TMEM132C: variants seen among roughly 807,000 people sequenced by gnomAD.
TMEM132C encodes the protein transmembrane protein 132C.
A neutral mutation model predicts 61.4 loss-of-function variants in TMEM132C; 29 were observed. The observed-to-expected ratio is 0.47, with a 90% CI of 0.35 to 0.64. The LOEUF (loss-of-function observed/expected upper bound fraction) is 0.64, where lower values mean the gene tolerates loss of function less well. TMEM132C is among the 30% of genes least tolerant of loss of function. The pLI is 0.00. For missense variants in TMEM132C, 1,408 were observed against 1,476.9 expected (o/e 0.95, Z 0.76); for synonymous variants, 656 against 633.1 (o/e 1.04, Z -0.54).
intron 2 of TMEM132C, among the ~76,000 whole-genome samples, chr12:128,506,740 A>G (rs1014817042): frequency 2.0e-4 from 31 of 151,968 alleles, no homozygotes; most frequent in African/African-American, 7.5e-4. Context: ...TGTCCTCACC[A>G]CCAGATTCCA....
At chr12:128,681,684 C>T (rs1172959325) in intron 5 of TMEM132C, among the ~76,000 whole-genome samples, 1 of 147,330 alleles carries the variant, frequency 6.8e-6, no homozygotes, top group East Asian at 2.0e-4. Flanking sequence ...GACAGAGTCT[C>T]ACCCTATCTC....
At chr12:128,600,046 G>A (rs994894031) in intron 3 of TMEM132C, among the ~76,000 whole-genome samples, 16 of 152,168 alleles carry the variant, frequency 1.1e-4, no homozygotes, top group Admixed American at 7.8e-4. Flanking sequence ...GCAGTGGCGC[G>A]ATCTCGGCTC....
chr12:128,382,894 AT>A (rs1874448378), intron 1 of TMEM132C, among the ~76,000 whole-genome samples: 1 of 151,630 alleles, frequency 6.6e-6, no homozygotes, highest in African/African-American at 2.4e-5. Flanking sequence ...TGTACCATAT[AT>A]GTATCTGTGT....
At chr12:128,461,100 G>C (rs1298030826) in intron 2 of TMEM132C, among the ~76,000 whole-genome samples, 2 of 152,180 alleles carry the variant, frequency 1.3e-5, no homozygotes, top group African/African-American at 4.8e-5. Context: ...CCTTGTCAGT[G>C]ACCCAAATTT....
intron 2 of TMEM132C, among the ~76,000 whole-genome samples, chr12:128,419,575 GTT>G (rs72349303): frequency 0.02 from 2,760 of 136,064 alleles, 59 homozygotes; most frequent in Admixed American, 0.05. Context: ...TACTAATCTT[GTT>G]TTTTTTTTTT....
At chr12:128,525,743 C>T (rs1316032148) in intron 2 of TMEM132C, among the ~76,000 whole-genome samples, 4 of 152,208 alleles carry the variant, frequency 2.6e-5, no homozygotes, top group Non-Finnish European at 5.9e-5. Context: ...ATGAGCTGAG[C>T]TGTTAGCCCT....
chr12:128,422,958 T>C (rs1375628412), intron 2 of TMEM132C, among the ~76,000 whole-genome samples: 2 of 152,148 alleles, frequency 1.3e-5, no homozygotes, highest in Non-Finnish European at 2.9e-5. Flanking sequence ...GTGGGCCTTG[T>C]GATGGTCCCT....
At chr12:128,364,302 T>C in intron 1 of TMEM132C, among the ~76,000 whole-genome samples, 1 of 132,456 alleles carries the variant, frequency 7.5e-6, no homozygotes, top group Admixed American at 8.1e-5. Flanking sequence ...TCTCTCTCTC[T>C]CTCTCCCCCT....
chr12:128,645,226 G>C (rs1954187191), intron 4 of TMEM132C, among the ~76,000 whole-genome samples: 1 of 152,182 alleles, frequency 6.6e-6, no homozygotes, highest in South Asian at 2.1e-4. Flanking sequence ...TTCAGAACCA[G>C]TACGGCCTCT....
At position 128,675,881 on chromosome 12, in the gene TMEM132C, ATAAATAGATAG is replaced by A. The variant is rs1954581508; in HGVS notation, c.1449+6322_1449+6332del. On this transcript the variant is annotated intron_variant, in intron 5 of 8. Coordinates refer to ENST00000435159, the MANE Select transcript of TMEM132C (RefSeq NM_001136103.3). The stretch of plus-strand genomic sequence containing the variant: ...GATAGATAGATAGATAGATAGATAG[ATAAATAGATAG>A]ATAGATAGATTTGTTGCTGAACCAC... Among the ~76,000 whole-genome samples, 5 of 86,750 alleles carry A rather than the reference ATAAATAGATAG, an allele frequency of 5.8e-5. No individual in the cohort carries two copies. The East Asian group carries it at 1.4e-3, about 25-fold the overall frequency. The allele number at this position is 86,750 out of a possible 152,430, so 56.9% of individuals were successfully genotyped here.
At chr12:128,323,816 G>T (rs1362904849) in intron 1 of TMEM132C, among the ~76,000 whole-genome samples, 1 of 152,138 alleles carries the variant, frequency 6.6e-6, no homozygotes, top group East Asian at 1.9e-4. Context: ...GGGGACGCTT[G>T]GGTACCTGTG....
chr12:128,480,673 A>G (rs1871290664), intron 2 of TMEM132C, among the ~76,000 whole-genome samples: 1 of 152,168 alleles, frequency 6.6e-6, no homozygotes, highest in South Asian at 2.1e-4. Flanking sequence ...CGAGCTTCCC[A>G]CTTACTAGCA....
intron 2 of TMEM132C, among the ~76,000 whole-genome samples, chr12:128,515,834 C>CAA (rs199518470): frequency 3.6e-5 from 4 of 112,002 alleles, no homozygotes; most frequent in African/African-American, 1.3e-4. Flanking sequence ...GACTCCGTCT[C>CAA]AAAAAAAAAA....
intron 1 of TMEM132C, among the ~76,000 whole-genome samples, chr12:128,340,856 T>TCTTC (rs761084729): frequency 0.03 from 4,431 of 147,346 alleles, 85 homozygotes; most frequent in Middle Eastern, 0.041. Context: ...TCTCTTTCTT[T>TCTTC]CTTCCTTCCT....
intron 1 of TMEM132C, among the ~76,000 whole-genome samples, chr12:128,359,984 T>A (rs1873646182): frequency 1.3e-5 from 2 of 152,324 alleles, no homozygotes; most frequent in East Asian, 1.9e-4. Context: ...TTTAAAATTT[T>A]AAATTTAAAT....
At chr12:128,378,187 T>C (rs1874268362) in intron 1 of TMEM132C, among the ~76,000 whole-genome samples, 1 of 151,366 alleles carries the variant, frequency 6.6e-6, no homozygotes, top group African/African-American at 2.4e-5. Flanking sequence ...CAATCTCGGC[T>C]CACTGCAAGC....
chr12:128,449,136 C>CAAAAAAAA (rs141298455), intron 2 of TMEM132C, among the ~76,000 whole-genome samples: 1 of 50,724 alleles, frequency 2.0e-5, no homozygotes, highest in Non-Finnish European at 4.3e-5. Context: ...GACTCTGTCT[C>CAAAAAAAA]AAAAAAAAAA....
chr12:128,352,041 G>C (rs1014991015), intron 1 of TMEM132C, among the ~76,000 whole-genome samples: 7 of 152,168 alleles, frequency 4.6e-5, no homozygotes, highest in Admixed American at 4.6e-4. Context: ...GTCTTACTCA[G>C]GGAAGTGTCA....
chr12:128,666,154 T>C (rs1258340653), intron 4 of TMEM132C, among the ~76,000 whole-genome samples: 48 of 88,860 alleles, frequency 5.4e-4, no homozygotes, highest in African/African-American at 8.9e-4. Context: ...TTCACAGGCA[T>C]TCATACACAA....
Sources: gnomAD v4.1 joint callset for allele counts (sites outside exome capture counted in the v4.1 genomes callset) on GRCh38, gnomAD v4.1.1 for gene constraint, MANE v1.5 for transcripts, NCBI Gene and HGNC (gene_info 2026-07-23, HGNC 2026-07-21) for gene names.